The following IFT43 variants were observed in gnomAD, a reference collection of about 807,000 sequenced individuals.
IFT43 encodes intraflagellar transport protein 43 homolog.
Under a neutral mutation model 32.3 loss-of-function variants are expected in IFT43, and 33 were observed. The ratio of observed to expected loss-of-function variants is 1.02; its 90% CI spans 0.77 to 1.37. IFT43 has a LOEUF of 1.37. IFT43 is among the 40% of genes most tolerant of loss of function. The pLI is 0.00. For missense variants in IFT43, 274 were observed against 265.9 expected (o/e 1.03, Z -0.21); for synonymous variants, 93 against 98.2 (o/e 0.95, Z 0.31).
chr14:76,064,192 C>A (rs2037190088), intron 5 of IFT43, among the ~76,000 whole-genome samples: 2 of 152,194 alleles, frequency 1.3e-5, no homozygotes, highest in Admixed American at 1.3e-4. Context: ...TCCTTTTAGA[C>A]TTCTCCACCC....
chr14:76,002,091 T>C (rs565588553), intron 2 of IFT43, among the ~76,000 whole-genome samples: 10 of 151,962 alleles, frequency 6.6e-5, no homozygotes, highest in Non-Finnish European at 1.5e-4. Flanking sequence ...CTACTAAAAA[T>C]ACAAAATTAG....
chr14:76,046,608 T>C (rs576149689), intron 3 of IFT43, among the ~76,000 whole-genome samples: 1 of 152,154 alleles, frequency 6.6e-6, no homozygotes, highest in African/African-American at 2.4e-5. Context: ...ACCACAATAA[T>C]GATGGTGGTA....
At chr14:76,043,901 T>G (rs1214894605) in intron 3 of IFT43, among the ~76,000 whole-genome samples, 1 of 152,204 alleles carries the variant, frequency 6.6e-6, no homozygotes, top group Admixed American at 6.5e-5. Flanking sequence ...GTTTTACCTG[T>G]GCTTCTGAAC....
chr14:76,017,629 G>C (rs552950788), intron 2 of IFT43, among the ~76,000 whole-genome samples: 2 of 152,152 alleles, frequency 1.3e-5, no homozygotes, highest in African/African-American at 4.8e-5. Context: ...AGAAAAATTG[G>C]TGTTTGTTCT....
intron 3 of IFT43, among the ~76,000 whole-genome samples, chr14:76,056,368 C>A (rs940870110): frequency 2.0e-5 from 3 of 152,202 alleles, no homozygotes; most frequent in African/African-American, 7.2e-5. Context: ...TGGGCTCCCC[C>A]TAGAGTGAGA....
chr14:76,049,471 T>A (rs1039766466), intron 3 of IFT43, among the ~76,000 whole-genome samples: 19 of 143,178 alleles, frequency 1.3e-4, no homozygotes, highest in Non-Finnish European at 2.7e-4. Flanking sequence ...TTTTTTTTTT[T>A]ACAATTATTT....
At chr14:75,989,735 C>T (rs2035600043) in intron 2 of IFT43, among the ~76,000 whole-genome samples, 2 of 152,150 alleles carry the variant, frequency 1.3e-5, no homozygotes, top group African/African-American at 4.8e-5. Context: ...CCCCACCGGA[C>T]AGTGAGTTCC....
intron 2 of IFT43, among the ~76,000 whole-genome samples, chr14:76,007,386 G>A (rs747781034): frequency 6.6e-6 from 1 of 152,124 alleles, no homozygotes; most frequent in Admixed American, 6.5e-5. Flanking sequence ...GATGGGGGCC[G>A]CCAGCCCATG....
At chr14:76,022,442 G>C in intron 3 of IFT43, 48 bp downstream of exon 3, 1 of 1,102,780 alleles carries the variant, frequency 9.1e-7, no homozygotes. Flanking sequence ...GCACACGGTT[G>C]GGGGGACTTT....
intron 2 of IFT43, among the ~76,000 whole-genome samples, chr14:75,993,847 G>T (rs1799269257): frequency 6.6e-6 from 1 of 152,164 alleles, no homozygotes; most frequent in African/African-American, 2.4e-5. Context: ...CAAGGTGCAT[G>T]CCAGTAAGAA....
intron 2 of IFT43, among the ~76,000 whole-genome samples, chr14:76,016,896 C>T (rs567193295): frequency 5.3e-5 from 8 of 152,106 alleles, no homozygotes; most frequent in Non-Finnish European, 7.4e-5. Context: ...GTGTTGATTT[C>T]GTATCCTGCA....
intron 5 of IFT43, among the ~76,000 whole-genome samples, chr14:76,070,947 G>T (rs897381939): frequency 3.9e-5 from 6 of 152,122 alleles, no homozygotes; most frequent in Non-Finnish European, 8.8e-5. Context: ...ACAGTTTCAA[G>T]TATTTTTTTT....
At chr14:76,038,029 A>G (rs2036634701) in intron 3 of IFT43, 2 of 152,258 alleles carry the variant, frequency 1.3e-5, no homozygotes, top group African/African-American at 2.4e-5. Flanking sequence ...CAAGAAACAC[A>G]AAACAAAATT....
At chr14:76,080,079 A>G (rs2037482001) in intron 5 of IFT43, among the ~76,000 whole-genome samples, 1 of 152,230 alleles carries the variant, frequency 6.6e-6, no homozygotes, top group Non-Finnish European at 1.5e-5. Context: ...CCTGCTCTGC[A>G]GACACCTGTT....
At chr14:76,064,072 C>T (rs1415496672) in intron 5 of IFT43, among the ~76,000 whole-genome samples, 1 of 152,048 alleles carries the variant, frequency 6.6e-6, no homozygotes, top group East Asian at 1.9e-4. Flanking sequence ...TCAGAACACT[C>T]CACACTCTAA....
chr14:76,083,844 T>G, downstream of IFT43: 1 of 600,142 alleles, frequency 1.7e-6, no homozygotes, highest in Non-Finnish European at 3.1e-6. Context: ...GCGGCCTTGT[T>G]GCGGAGCATG....
chr14:76,012,046 C>G (rs1365457509), intron 2 of IFT43, among the ~76,000 whole-genome samples: 2 of 152,136 alleles, frequency 1.3e-5, no homozygotes, highest in African/African-American at 4.8e-5. Context: ...GCTGCATTGC[C>G]CCTAGAAGCT....
intron 2 of IFT43, among the ~76,000 whole-genome samples, chr14:75,997,433 G>A (rs1002428975): frequency 1.3e-5 from 2 of 152,182 alleles, no homozygotes; most frequent in Non-Finnish European, 2.9e-5. Context: ...TTTTAGCCTT[G>A]TCTTTTATTG....
chr14:75,999,281 A>ATATTTTTTTTT (rs1566699821), intron 2 of IFT43, among the ~76,000 whole-genome samples: 3 of 39,068 alleles, frequency 7.7e-5, no homozygotes, highest in Admixed American at 2.9e-4. Flanking sequence ...ATGTATATAT[A>ATATTTTTTTTT]TTTTTTTTTT....
Sources: allele counts gnomAD v4.1 joint callset (sites outside exome capture counted in the v4.1 genomes callset), GRCh38; gene constraint gnomAD v4.1.1; transcripts MANE v1.5; gene names NCBI Gene and HGNC (gene_info 2026-07-23, HGNC 2026-07-21).